RNF185: variants seen among roughly 807,000 people sequenced by gnomAD.
The protein encoded by RNF185 is E3 ubiquitin-protein ligase RNF185.
A neutral mutation model predicts 24.9 loss-of-function variants in RNF185; 13 were observed. That is an observed-to-expected ratio of 0.52 (90% CI 0.34 to 0.83). The LOEUF is 0.83. Ranked by LOEUF, RNF185 falls within the 40% of genes least tolerant of loss-of-function variation. The pLI is 0.01. For synonymous variants in RNF185, 79 were observed against 90.3 expected (o/e 0.88, Z 0.71); for missense variants, 184 against 244.7 (o/e 0.75, Z 1.65).
intron 1 of RNF185, 114 bp downstream of exon 1, chr22:31,160,417 A>G (rs759771010): frequency 6.6e-6 from 1 of 152,260 alleles, no homozygotes; most frequent in East Asian, 1.9e-4. Flanking sequence ...CCAGGGGCCC[A>G]GAGACAGCAA....
At chr22:31,176,109 C>T (rs1003996840) in intron 1 of RNF185, among the ~76,000 whole-genome samples, 1 of 151,990 alleles carries the variant, frequency 6.6e-6, no homozygotes. Flanking sequence ...GAAAAGGTGG[C>T]AAGTACATGT....
At chr22:31,172,429 G>A (rs1201871761) in intron 1 of RNF185, among the ~76,000 whole-genome samples, 2 of 151,736 alleles carry the variant, frequency 1.3e-5, no homozygotes, top group Non-Finnish European at 2.9e-5. Flanking sequence ...TCTAATAGGG[G>A]CTAGGCACTG....
chr22:31,205,382 A>G lies in RNF185; in HGVS notation c.*796A>G, dbSNP rs1484331285. 1 of 167,250 alleles carries G rather than the reference A, an allele frequency of 6.0e-6. No individual in the cohort carries two copies. Among genetic ancestry groups the G allele is most frequent in the African/African-American group, 2.4e-5 (1 of 41,472 alleles). The allele number at this position is 167,250 out of a possible 1,614,324, so 10.4% of individuals were successfully genotyped here. On this transcript the variant is annotated 3_prime_UTR_variant, in exon 7 of 7. Transcript: ENST00000326132. ...CATCTGCCTCTCTCTGCCAGAGAAC[A>G]TACAGCCGAGAATACTGCCGAAGCT...
At chr22:31,180,457 TTGTC>T (rs1225558492) in intron 1 of RNF185, among the ~76,000 whole-genome samples, 1 of 151,714 alleles carries the variant, frequency 6.6e-6, no homozygotes, top group Non-Finnish European at 1.5e-5. Context: ...AGACTGAGAC[TTGTC>T]TCAAAAAAAA....
chr22:31,182,291 A>T (rs2048046405), intron 1 of RNF185, among the ~76,000 whole-genome samples: 1 of 150,186 alleles, frequency 6.7e-6, no homozygotes, highest in African/African-American at 2.5e-5. Flanking sequence ...TTTTATTTTT[A>T]TTTATTTATT....
At chr22:31,196,398 A>C (rs2058931240) in intron 4 of RNF185, among the ~76,000 whole-genome samples, 1 of 152,284 alleles carries the variant, frequency 6.6e-6, no homozygotes, top group Non-Finnish European at 1.5e-5. Context: ...AGCATCCTGC[A>C]TAATGCTTAT....
intron 1 of RNF185, among the ~76,000 whole-genome samples, chr22:31,176,662 G>A (rs927179146): frequency 2.6e-5 from 4 of 151,224 alleles, no homozygotes; most frequent in African/African-American, 9.7e-5. Flanking sequence ...CTAATTTTTT[G>A]TATTTTTAGT....
intron 1 of RNF185, among the ~76,000 whole-genome samples, chr22:31,166,197 G>T (rs1028065012): frequency 6.6e-6 from 1 of 151,876 alleles, no homozygotes; most frequent in Admixed American, 6.6e-5. Context: ...CATGATCTTG[G>T]CCAGGCTGGT....
At chr22:31,162,738 G>A (rs887835890) in intron 1 of RNF185, among the ~76,000 whole-genome samples, 1 of 150,100 alleles carries the variant, frequency 6.7e-6, no homozygotes, top group South Asian at 2.1e-4. Context: ...TGGTCTGTGA[G>A]CTAAGGGTGC....
intron 4 of RNF185, among the ~76,000 whole-genome samples, 184 bp from the exon 5 acceptor site, chr22:31,196,752 G>A (rs933451113): frequency 2.0e-5 from 3 of 152,188 alleles, no homozygotes; most frequent in Non-Finnish European, 4.4e-5. Flanking sequence ...CTCTATACAC[G>A]TGGGAAGAAC....
rs1484689298 is a variant in RNF185, at chr22:31,187,299, G to A, written c.176+29G>A. 5 of 1,611,150 alleles carry A rather than the reference G, an allele frequency of 3.1e-6. No homozygotes were observed. In the South Asian group the frequency reaches 3.3e-5, roughly 11 times the overall value. On this transcript the variant is annotated intron_variant, in intron 2 of 6. Coordinates refer to ENST00000326132, the MANE Select transcript of RNF185 (RefSeq NM_152267.4). ...AGTACCCCTACTTCCACCCCAGAGA[G>A]CACATTGCCAAGTTTGGAAAGCCTG... is the stretch of plus-strand genomic sequence containing the variant.
chr22:31,179,981 GAA>G (rs972972099), intron 1 of RNF185, among the ~76,000 whole-genome samples: 2 of 151,712 alleles, frequency 1.3e-5, no homozygotes, highest in African/African-American at 4.8e-5. Context: ...TTTCAGGTGA[GAA>G]AAGAGATTCA....
chr22:31,198,595 C>T (rs1329055812), intron 5 of RNF185, among the ~76,000 whole-genome samples: 1 of 150,074 alleles, frequency 6.7e-6, no homozygotes, highest in African/African-American at 2.4e-5. Flanking sequence ...GACGAGGTTT[C>T]TCCATGTTGG....
intron 1 of RNF185, among the ~76,000 whole-genome samples, chr22:31,164,910 T>C (rs1285095374): frequency 6.6e-6 from 1 of 151,698 alleles, no homozygotes; most frequent in Non-Finnish European, 1.5e-5. Context: ...TTTATTTTTT[T>C]TTTAATTGTT....
chr22:31,175,637 G>T (rs1451869974), intron 1 of RNF185, among the ~76,000 whole-genome samples: 1 of 151,974 alleles, frequency 6.6e-6, no homozygotes, highest in Non-Finnish European at 1.5e-5. Flanking sequence ...CTACTTCTAG[G>T]GTTTATACTA....
At chr22:31,185,308 C>T (rs575024449) in intron 1 of RNF185, among the ~76,000 whole-genome samples, 1 of 152,116 alleles carries the variant, frequency 6.6e-6, no homozygotes, top group Non-Finnish European at 1.5e-5. Context: ...CTCATGAGGC[C>T]AGAGCTCTGA....
chr22:31,168,553 T>G lies in RNF185; in HGVS notation c.-49+8250T>G, dbSNP rs910507347. On this transcript the variant is annotated intron_variant, in intron 1 of 6. Coordinates refer to ENST00000326132, the MANE Select transcript of RNF185 (RefSeq NM_152267.4). Reference sequence around the variant, plus strand: ...GATGTATAGCTATTTCTTTGCGACCTTGCTTTCAATTATTTGGGTACATAC... The same window carrying G: ...GATGTATAGCTATTTCTTTGCGACCGTGCTTTCAATTATTTGGGTACATAC... Among the ~76,000 whole-genome samples, 4 of 152,358 alleles carry G rather than the reference T, an allele frequency of 2.6e-5. No individual in the cohort carries two copies. In the South Asian group the frequency reaches 8.3e-4, roughly 32 times the overall value.
At position 31,192,656 on chromosome 22, in the gene RNF185, T is replaced by C. The variant is rs769796228; in HGVS notation, c.177-28T>C. On this transcript the variant is annotated intron_variant, in intron 2 of 6. Transcript: ENST00000326132. ...TTTCCCCTTTTCTCCTTCTCCTTGA[T>C]GACTGGTTGCCCTGGGGACTCTGGC... The C allele has an allele frequency of 3.1e-6, 5 of 1,610,782 alleles. No individual in the cohort carries two copies. The Admixed American group carries it at 6.7e-5, about 21-fold the overall frequency.
chr22:31,175,766 G>A (rs552654918), intron 1 of RNF185, among the ~76,000 whole-genome samples: 2 of 152,082 alleles, frequency 1.3e-5, no homozygotes, highest in East Asian at 3.9e-4. Flanking sequence ...CCATGTAAAC[G>A]TGTTACTTAT....
Sources: allele counts gnomAD v4.1 joint callset (sites outside exome capture counted in the v4.1 genomes callset), GRCh38; gene constraint gnomAD v4.1.1; transcripts MANE v1.5; gene names NCBI Gene and HGNC (gene_info 2026-07-23, HGNC 2026-07-21).